The following ARID4B variants were observed in gnomAD, a reference collection of about 807,000 sequenced individuals.
The protein encoded by ARID4B is AT-rich interactive domain-containing protein 4B.
In ARID4B, 26 loss-of-function variants were observed where a neutral mutation model predicts 147.5. The observed-to-expected ratio is 0.18, with a 90% CI of 0.13 to 0.24. The LOEUF is 0.24. Among genes scored for constraint, ARID4B ranks in the 10% least tolerant of loss-of-function variants. The pLI is 1.00. For synonymous variants in ARID4B, 512 were observed against 507.9 expected, an observed-to-expected ratio of 1.01 and a Z score of -0.11; for missense variants, 1,179 against 1,511.5, an observed-to-expected ratio of 0.78 and a Z score of 3.65.
chr1:235,229,476 C>T (rs1458550262), intron 10 of ARID4B, 91 bp from the exon 11 acceptor site: 4 of 882,320 alleles, frequency 4.5e-6, no homozygotes, highest in Admixed American at 5.0e-5. Context: ...ATAAAAACTA[C>T]TGTGCTAATA....
intron 22 of ARID4B, among the ~76,000 whole-genome samples, chr1:235,174,626 C>T (rs1361594382): frequency 6.6e-6 from 1 of 151,448 alleles, no homozygotes; most frequent in Admixed American, 6.6e-5. Flanking sequence ...CATGGTGAAA[C>T]CCCATGTCTA....
chr1:235,179,767 C>T (rs1414074916), intron 20 of ARID4B, among the ~76,000 whole-genome samples: 1 of 151,232 alleles, frequency 6.6e-6, no homozygotes, highest in Non-Finnish European at 1.5e-5. Flanking sequence ...AAGGATACAA[C>T]CTCTTAAAAA....
chr1:235,182,477 T>C lies in ARID4B; in HGVS notation c.2442A>G (p.Lys814=). ...RKDVKKDTTD[K]SSKPQIKRGK... is the part of the protein sequence containing the mutation. ...CACGTTTTATTTGTGGTTTTGAAGA[T>C]TTATCTGTTGTGTCCTTCTTGACAT... Residue 814 remains lysine, a synonymous_variant, in exon 20 of 24, where the codon AAA becomes AAG. Transcript: ENST00000264183. 1.2e-6 allele frequency: 2 copies of C among 1,613,448 alleles called. No homozygotes were observed. The highest frequency in any genetic ancestry group is 1.1e-5 in the South Asian group (1 of 90,838).
intron 2 of ARID4B, among the ~76,000 whole-genome samples, chr1:235,306,763 C>G (rs1054520141): frequency 1.3e-5 from 2 of 152,024 alleles, no homozygotes; most frequent in African/African-American, 4.8e-5. Flanking sequence ...TCAAGCGATT[C>G]TCACGCCTCA....
In ARID4B at chr1:235,167,091, C is replaced by G. The variant is rs1663020047; in HGVS notation, c.*1434G>C. On this transcript the variant is annotated 3_prime_UTR_variant, in exon 24 of 24. Coordinates refer to ENST00000264183, the MANE Select transcript of ARID4B (RefSeq NM_016374.6). ...AATTTGAATAACTTGAAACCATTTT[C>G]AACAAAATTAGTTACTGTAAGCACA... 1 of 188,036 alleles carries G rather than the reference C, an allele frequency of 5.3e-6. No individual in the cohort carries two copies. The highest frequency in any genetic ancestry group is 1.1e-5 in the Non-Finnish European group (1 of 89,022). 11.6% of individuals were successfully genotyped at this position (188,036 alleles called of 1,614,324 possible).
chr1:235,235,644 G>A (rs138847892), intron 8 of ARID4B, among the ~76,000 whole-genome samples: 4 of 152,200 alleles, frequency 2.6e-5, no homozygotes, highest in South Asian at 2.1e-4. Context: ...TGAGATCACC[G>A]TAAAGAAAAT....
chr1:235,268,083 G>A lies in ARID4B; in HGVS notation c.7-7331C>T, dbSNP rs976107322. 5.3e-5 allele frequency among the ~76,000 whole-genome samples: 8 copies of A among 152,124 alleles called. 1 individual carries two copies. The highest frequency in any genetic ancestry group is 1.9e-4 in the African/African-American group (8 of 41,422). On this transcript the variant is annotated intron_variant, in intron 2 of 23. Transcript: ENST00000264183. ...AAGGCAGTGAAGAGGAGGCCTGGGGGAACCACATGGAGGTGCAGTCCTGTG... is the reference window on the plus strand; with the variant it reads ...AAGGCAGTGAAGAGGAGGCCTGGGGAAACCACATGGAGGTGCAGTCCTGTG...
At chr1:235,308,324 G>C (rs1442916234) in intron 2 of ARID4B, among the ~76,000 whole-genome samples, 2 of 151,050 alleles carry the variant, frequency 1.3e-5, no homozygotes, top group Non-Finnish European at 3.0e-5. Flanking sequence ...GGCTGGTCAT[G>C]AACTCCTCCT....
At chr1:235,232,286 G>A (rs1047041147) in intron 9 of ARID4B, among the ~76,000 whole-genome samples, 22 of 152,050 alleles carry the variant, frequency 1.4e-4, no homozygotes, top group African/African-American at 4.8e-4. Flanking sequence ...TGGGTGTGGT[G>A]GTGCATGCCT....
intron 23 of ARID4B, among the ~76,000 whole-genome samples, chr1:235,169,490 C>T (rs976052386): frequency 6.6e-6 from 1 of 151,482 alleles, no homozygotes; most frequent in African/African-American, 2.4e-5. Flanking sequence ...ATCCGCCCAT[C>T]TCAGCCTCCC....
rs145817641 is a variant in ARID4B, at chr1:235,219,957, C to A, written c.1419G>T (p.Lys473Asn). 2.6e-6 allele frequency: 4 copies of A among 1,538,114 alleles called. No homozygotes were observed. The highest frequency in any genetic ancestry group is 3.5e-6 in the Non-Finnish European group (4 of 1,146,294). The change falls in exon 16 of 24, where the codon AAG becomes AAT. Residue 473 changes from lysine to asparagine, a missense_variant. Lys to Asn is a moderately conservative substitution (Grantham distance 94, BLOSUM62 0). Coordinates refer to ENST00000264183, the MANE Select transcript of ARID4B (RefSeq NM_016374.6). ...ENIKPSLGSKKNLLESIPTHS... is the reference protein window; with the variant it reads ...ENIKPSLGSKNNLLESIPTHS... ...GTGTAGGTATAGATTCTAATAAATTCTTTTTACTTCCCTAGAAAAAGATCA... is the reference window on the plus strand; with the variant it reads ...GTGTAGGTATAGATTCTAATAAATTATTTTTACTTCCCTAGAAAAAGATCA...
chr1:235,202,184 C>T (rs1314539496), intron 17 of ARID4B, among the ~76,000 whole-genome samples: 3 of 151,714 alleles, frequency 2.0e-5, no homozygotes, highest in Non-Finnish European at 4.4e-5. Context: ...AACAGCATTA[C>T]TAAATGCTTC....
chr1:235,176,770 A>G (rs1663914681), intron 21 of ARID4B: 1 of 460,822 alleles, frequency 2.2e-6, no homozygotes, highest in Non-Finnish European at 4.5e-6. Context: ...ATATGGGCTC[A>G]GCAGAACCTC....
intron 2 of ARID4B, among the ~76,000 whole-genome samples, chr1:235,303,936 T>A (rs1301207047): frequency 6.6e-6 from 1 of 152,200 alleles, no homozygotes; most frequent in Non-Finnish European, 1.5e-5. Flanking sequence ...TTACAGGTAT[T>A]TTTTTTTGGC....
chr1:235,204,354 T>C (rs1289789959), intron 17 of ARID4B, among the ~76,000 whole-genome samples: 1 of 152,154 alleles, frequency 6.6e-6, no homozygotes, highest in African/African-American at 2.4e-5. Context: ...AATTCCTAAG[T>C]ATGATATAAA....
chr1:235,266,844 G>A (rs1256016161), intron 2 of ARID4B, among the ~76,000 whole-genome samples: 2 of 152,178 alleles, frequency 1.3e-5, no homozygotes, highest in Admixed American at 6.5e-5. Context: ...TCAATTATTC[G>A]AGATGGTTTT....
chr1:235,241,523 A>AT (rs752053160), intron 7 of ARID4B, among the ~76,000 whole-genome samples: 5 of 151,974 alleles, frequency 3.3e-5, no homozygotes, highest in African/African-American at 9.7e-5. Flanking sequence ...AGTGAAAACT[A>AT]TTTTTTTCTT....
At chr1:235,246,787 G>A (rs1053133159) in intron 6 of ARID4B, among the ~76,000 whole-genome samples, 1 of 152,128 alleles carries the variant, frequency 6.6e-6, no homozygotes, top group Non-Finnish European at 1.5e-5. Context: ...AGGCATCTAA[G>A]AATGATTAAA....
chr1:235,232,060 A>T (rs1668273073), intron 9 of ARID4B, among the ~76,000 whole-genome samples: 2 of 152,098 alleles, frequency 1.3e-5, no homozygotes, highest in Non-Finnish European at 2.9e-5. Flanking sequence ...GGGCAGGGTT[A>T]CAGTGAGCTA....
Sources: gnomAD v4.1 joint callset for allele counts (sites outside exome capture counted in the v4.1 genomes callset) on GRCh38, gnomAD v4.1.1 for gene constraint, MANE v1.5 for transcripts, NCBI Gene and HGNC (gene_info 2026-07-23, HGNC 2026-07-21) for gene names.